The following SPEG variants were observed in gnomAD, a reference collection of about 807,000 sequenced individuals.
SPEG encodes the protein striated muscle enriched protein kinase.
A neutral mutation model predicts 300.4 loss-of-function variants in SPEG; 114 were observed. The observed-to-expected ratio is 0.38, with a 90% confidence interval of 0.33 to 0.44. The LOEUF (loss-of-function observed/expected upper bound fraction) is 0.44, where lower values mean the gene tolerates loss of function less well. Ranked by LOEUF, SPEG falls within the 20% of genes least tolerant of loss-of-function variation. The probability of loss-of-function intolerance (pLI) is 1.00; values close to 1 mark genes in which losing one functional copy is unlikely to be tolerated. For missense variants in SPEG, 4,201 were observed against 4,586.2 expected (o/e 0.92, Z 2.43); for synonymous variants, 1,964 against 2,018.9 (o/e 0.97, Z 0.73).
At chr2:219,449,396 A>T (rs886222537) in intron 4 of SPEG, 125 bp downstream of exon 4, 2 of 740,908 alleles carry the variant, frequency 2.7e-6, no homozygotes, top group Non-Finnish European at 3.9e-6. Context: ...GCCAGCTGCA[A>T]GGGTGGGTTT....
At position 219,466,473 on chromosome 2, in the gene SPEG, G is replaced by A. The variant is rs915615780; in HGVS notation, c.2882-701G>A. The A allele has an allele frequency of 2.5e-5, 30 of 1,178,772 alleles. 1 individual carries two copies. In the East Asian group the frequency reaches 1.5e-3, roughly 58 times the overall value. 73.0% of individuals were successfully genotyped at this position (1,178,772 alleles called of 1,614,324 possible). A position where few individuals can be genotyped will look rare whatever the true frequency, so the allele number is the denominator to read the frequency against. Reference sequence around the variant, plus strand: ...GGGAAGGATGCCTCGGAGCTGAGGTGGGGTGAGACAGAGTGGGAGAGATTA... The same window carrying A: ...GGGAAGGATGCCTCGGAGCTGAGGTAGGGTGAGACAGAGTGGGAGAGATTA... On this transcript the variant is annotated intron_variant, in intron 9 of 40. Coordinates refer to ENST00000312358, the MANE Select transcript of SPEG (RefSeq NM_005876.5).
intron 6 of SPEG, chr2:219,461,171 C>T (rs1260306051): frequency 1.8e-5 from 18 of 975,456 alleles, no homozygotes; most frequent in Non-Finnish European, 1.8e-5. Flanking sequence ...ACACCCCTCC[C>T]CCAAGGCTGA....
Position 219,485,475 on chromosome 2 carries a change from C to T in SPEG, c.7739C>T (p.Ser2580Leu). 1.3e-6 allele frequency: 2 copies of T among 1,577,884 alleles called. No individual in the cohort carries two copies. The highest frequency in any genetic ancestry group is 2.3e-5 in the East Asian group (1 of 42,876). ...ELGHQYVRSE[S>L]DFPPVFHIKL... is the part of the protein sequence containing the mutation. ...GGTCACCAGTACGTGCGCAGTGAGTCAGGTAATAAGAGGCCTGCTGGGTGA... is the reference window on the plus strand; with the variant it reads ...GGTCACCAGTACGTGCGCAGTGAGTTAGGTAATAAGAGGCCTGCTGGGTGA... The change falls in exon 31 of 41, where the codon TCA becomes TTA. Residue 2580 changes from serine (S) to leucine (L), a missense_variant and splice_region_variant. Transcript: ENST00000312358.
chr2:219,476,800 G>T (rs1692385197), intron 18 of SPEG, 70 bp from the exon 19 acceptor site: 3 of 1,224,540 alleles, frequency 2.4e-6, no homozygotes, highest in African/African-American at 1.5e-5. Flanking sequence ...ATCTTGGGAG[G>T]GGCTGAGGAG....
chr2:219,469,189 G>A lies in SPEG; in HGVS notation c.3525G>A (p.Glu1175=). The A allele has an allele frequency of 6.2e-7, 1 of 1,613,972 alleles. No individual in the cohort carries two copies. Among genetic ancestry groups the A allele is most frequent in the Non-Finnish European group, 8.5e-7 (1 of 1,179,998 alleles). The change falls in exon 13 of 41, where the codon GAG becomes GAA. Residue 1175 remains glutamate (E), a synonymous_variant. Transcript: ENST00000312358. ...TGGAGAAGATGCCATCCATTCCCGA[G>A]GAGCCAGAGCAGGGTGAGCTGGAGC... The part of the protein sequence containing the change: ...SKLEKMPSIP[E]EPEQGELERL...
At position 219,490,887 on chromosome 2, in the gene SPEG, A is replaced by C; in HGVS notation, c.9316A>C (p.Ser3106Arg). 2 of 1,613,876 alleles carry C rather than the reference A, an allele frequency of 1.2e-6. No homozygotes were observed. Among genetic ancestry groups the C allele is most frequent in the Non-Finnish European group, 1.7e-6 (2 of 1,180,026 alleles). The part of the protein sequence containing the change: ...DNALKIVDFG[S>R]AQPYNPQALR... Reference sequence around the variant, plus strand: ...TGCCCTCAAGATTGTGGACTTTGGCAGTGCCCAGCCCTACAACCCCCAGGC... The same window carrying C: ...TGCCCTCAAGATTGTGGACTTTGGCCGTGCCCAGCCCTACAACCCCCAGGC... The change falls in exon 38 of 41, where the codon AGT becomes CGT. Residue 3106 changes from serine to arginine, a missense_variant. Ser to Arg is a moderately radical substitution (Grantham distance 110). Coordinates refer to ENST00000312358, the MANE Select transcript of SPEG (RefSeq NM_005876.5).
chr2:219,470,937 G>A lies in SPEG; in HGVS notation c.3716-931G>A, dbSNP rs191089777. 1.8e-4 allele frequency among the ~76,000 whole-genome samples: 28 copies of A among 152,298 alleles called. 1 individual carries two copies. In the East Asian group the frequency reaches 4.6e-3, roughly 25 times the overall value. On this transcript the variant is annotated intron_variant, in intron 13 of 40. Coordinates refer to ENST00000312358, the MANE Select transcript of SPEG (RefSeq NM_005876.5). ...CAACTCTTGTAATATATCATAGAAT[G>A]TATTTGGTACTTACTGTGTGTGAGG...
Position 219,483,861 on chromosome 2 carries a change from A to G in SPEG, c.6398A>G (p.Gln2133Arg), listed in dbSNP as rs780428591. Reference sequence around the variant, plus strand: ...CTGCAAAAGAGCAGCAGCTTCTCCCAGGGTGAGGCGGAGCCCCGGGGCCGG... The same window carrying G: ...CTGCAAAAGAGCAGCAGCTTCTCCCGGGGTGAGGCGGAGCCCCGGGGCCGG... Reference protein sequence around the residue: ...RGLQKSSSFSQGEAEPRGRHR... With the variant: ...RGLQKSSSFSRGEAEPRGRHR... Residue 2133 changes from glutamine to arginine, a missense_variant, in exon 30 of 41, where the codon CAG becomes CGG. Physicochemically the swap from Gln to Arg is conservative, Grantham distance 43 (BLOSUM62 1). Transcript: ENST00000312358. The G allele has an allele frequency of 1.3e-6, 2 of 1,594,762 alleles. No individual in the cohort carries two copies. The highest frequency in any genetic ancestry group is 2.2e-5 in the South Asian group (2 of 90,236).
rs1188493900 is a variant in SPEG at position 219,485,423 on chromosome 2, C to A, written c.7687C>A (p.Leu2563Ile). 6.2e-7 allele frequency: 1 copy of A among 1,606,044 alleles called. No homozygotes were observed. The highest frequency in any genetic ancestry group is 2.2e-5 in the East Asian group (1 of 44,484). Residue 2563 changes from leucine (L) to isoleucine (I), a missense_variant, in exon 31 of 41, where the codon CTC (leucine) becomes ATC (isoleucine). By Grantham distance (5) the Leu-to-Ile change is conservative. Transcript: ENST00000312358. Reference protein sequence around the residue: ...RKDKGLSPPNLSASVQEELGH... With the variant: ...RKDKGLSPPNISASVQEELGH... Reference sequence around the variant, plus strand: ...GGACAAGGGGTTATCGCCACCAAACCTCTCTGCCAGCGTCCAGGAGGAGTT... The same window carrying A: ...GGACAAGGGGTTATCGCCACCAAACATCTCTGCCAGCGTCCAGGAGGAGTT...
rs550617537 is a variant in SPEG at position 219,462,879 on chromosome 2, T to C, written c.2705+493T>C. Among the ~76,000 whole-genome samples the C allele has an allele frequency of 2.0e-5, 3 of 152,218 alleles. No homozygotes were observed. In the South Asian group the frequency reaches 6.2e-4, roughly 32 times the overall value. ...GCTGTAGTGAGCTGAGATCACACCATTGCACTCCAGCCTGGGTGACAGAGT... is the reference window on the plus strand; with the variant it reads ...GCTGTAGTGAGCTGAGATCACACCACTGCACTCCAGCCTGGGTGACAGAGT... On this transcript the variant is annotated intron_variant, in intron 8 of 40. Transcript: ENST00000312358.
At position 219,488,328 on chromosome 2, in the gene SPEG, C is replaced by A; in HGVS notation, c.7858+18C>A. The A allele has an allele frequency of 6.3e-7, 1 of 1,583,014 alleles. No individual in the cohort carries two copies. Among genetic ancestry groups the A allele is most frequent in the Non-Finnish European group, 8.6e-7 (1 of 1,159,316 alleles). ...GATGAAAGGTAAGGAGACTCTGTCTCCCACAGAGAGGGAGGCCAGCAAGTG... is the reference window on the plus strand; with the variant it reads ...GATGAAAGGTAAGGAGACTCTGTCTACCACAGAGAGGGAGGCCAGCAAGTG... On this transcript the variant is annotated intron_variant, in intron 32 of 40. Coordinates refer to ENST00000312358, the MANE Select transcript of SPEG (RefSeq NM_005876.5).
intron 6 of SPEG, among the ~76,000 whole-genome samples, chr2:219,453,652 A>G (rs1178793502): frequency 6.6e-6 from 1 of 152,164 alleles, no homozygotes; most frequent in African/African-American, 2.4e-5. Flanking sequence ...GAAAGCCTTC[A>G]TTGCATTAGT....
Position 219,490,400 on chromosome 2 carries a change from GAC to G in SPEG, c.8922-3_8922-2del. 1 of 1,606,182 alleles carries G rather than the reference GAC, an allele frequency of 6.2e-7. No homozygotes were observed. Among genetic ancestry groups the G allele is most frequent in the Non-Finnish European group, 8.5e-7 (1 of 1,176,116 alleles). ...CTGAGCCGGTGGTGTCCCTCCCCCC[GAC>G]ACACAGGGGCCGCTTTGGTGTTGTG... On this transcript the variant is annotated splice_region_variant and splice_polypyrimidine_tract_variant and intron_variant, in intron 36 of 40. Transcript: ENST00000312358.
rs147409971 is a variant in SPEG at position 219,481,710 on chromosome 2, A to G, written c.5565+30A>G. 108 of 1,608,418 alleles carry G rather than the reference A, an allele frequency of 6.7e-5. No individual in the cohort carries two copies. In the African/African-American group the frequency reaches 1.2e-3, roughly 18 times the overall value. ...GTCTAGTCTGCAAAGTGGTGGCACA[A>G]AAGGTGGAGGGAGAGAGAATGTTAC... is the stretch of plus-strand genomic sequence containing the variant. On this transcript the variant is annotated intron_variant, in intron 28 of 40. Transcript: ENST00000312358. The surrounding 1 kb of genome is among the most constrained non-coding windows in gnomAD (Gnocchi z 5.4).
chr2:219,468,627 C>A lies in SPEG; in HGVS notation c.3192C>A (p.Pro1064=). Residue 1064 remains proline, a synonymous_variant, in exon 11 of 41, where the codon CCC becomes CCA. Coordinates refer to ENST00000312358, the MANE Select transcript of SPEG (RefSeq NM_005876.5). ...TGACCGTGCGGCCCTCGTTGGCACC[C>A]CTGTTCACACGGCTGCTGGAAGATG... ...ARLTVRPSLA[P]LFTRLLEDVE... is the part of the protein sequence containing the mutation. 1 of 1,614,020 alleles carries A rather than the reference C, an allele frequency of 6.2e-7. No individual in the cohort carries two copies.
chr2:219,477,174 G>T lies in SPEG; in HGVS notation c.4561-103G>T. 1.3e-6 allele frequency: 1 copy of T among 785,600 alleles called. No individual in the cohort carries two copies. 48.7% of individuals were successfully genotyped at this position (785,600 alleles called of 1,614,324 possible). A position where few individuals can be genotyped will look rare whatever the true frequency, so the allele number is the denominator to read the frequency against. On this transcript the variant is annotated intron_variant, in intron 19 of 40. Transcript: ENST00000312358. This position sits in a 1 kb window ranked among gnomAD's most constrained non-coding sequence, Gnocchi z 6.4. ...GGGAGATAAGGGAGGAGCTGACTCT[G>T]GGTCCTGGTGAGAGATGCGCTGCCC...
chr2:219,443,204 TC>T lies in SPEG; in HGVS notation c.389-1446del. 6.4e-7 allele frequency: 1 copy of T among 1,552,174 alleles called. No individual in the cohort carries two copies. Among genetic ancestry groups the T allele is most frequent in the Non-Finnish European group, 8.9e-7 (1 of 1,124,580 alleles). ...AGCCCATGCCTACTCCTCCTCTTGG[TC>T]CCTGTCCCTCTGTGAGGCATCGAGT... On this transcript the variant is annotated intron_variant, in intron 1 of 40. Coordinates refer to ENST00000312358, the MANE Select transcript of SPEG (RefSeq NM_005876.5). The surrounding 1 kb of genome is among the most constrained non-coding windows in gnomAD (Gnocchi z 4.6).
intron 9 of SPEG, chr2:219,465,876 CGTGCGTGTGCATGT>C: frequency 1.6e-6 from 1 of 624,308 alleles, no homozygotes; most frequent in Non-Finnish European, 2.9e-6. Context: ...TGCGTGTGTG[CGTGCGTGTGCATGT>C]GTGCGTATGG....
rs1483339842 is a variant in SPEG, at chr2:219,451,686, G to A, written c.2319G>A (p.Glu773=). Residue 773 remains glutamate, a synonymous_variant, in exon 6 of 41, where the codon GAG becomes GAA. Coordinates refer to ENST00000312358, the MANE Select transcript of SPEG (RefSeq NM_005876.5). This position sits in a 1 kb window ranked among gnomAD's most constrained non-coding sequence, Gnocchi z 6.4. ...AGGGCCGCCTCCTCCTCCGGGCTGA[G>A]GGTGAGCGGCACACCCTGCTGCTCA... ...RSEGRLLLRA[E]GERHTLLLRE... is the part of the protein sequence containing the mutation. 2.5e-6 allele frequency: 4 copies of A among 1,581,910 alleles called. No homozygotes were observed. In the East Asian group the frequency reaches 9.2e-5, roughly 36 times the overall value.
Sources: allele counts gnomAD v4.1 joint callset (sites outside exome capture counted in the v4.1 genomes callset), GRCh38; gene constraint gnomAD v4.1.1; non-coding constraint Gnocchi (gnomAD v3.1); transcripts MANE v1.5; gene names NCBI Gene and HGNC (gene_info 2026-07-23, HGNC 2026-07-21).